Variants in GLYR1 observed in about 807,000 individuals in gnomAD.
GLYR1 encodes the protein glyoxylate reductase 1 homolog, also known as cytokine-like nuclear factor N-PAC.
Under a neutral mutation model 72.7 loss-of-function variants are expected in GLYR1, and 21 were observed. That is an observed-to-expected ratio of 0.29 (90% CI 0.20 to 0.42). The LOEUF (loss-of-function observed/expected upper bound fraction) is 0.42. GLYR1 is among the 10% of genes least tolerant of loss of function. The pLI, the probability that GLYR1 is intolerant of heterozygous loss-of-function variation, is 1.00. For missense variants in GLYR1, 594 were observed against 712.1 expected (o/e 0.83, Z 1.89); for synonymous variants, 392 against 270.2 (o/e 1.45, Z -4.42).
intron 3 of GLYR1, among the ~76,000 whole-genome samples, chr16:4,842,055 C>A (rs1266385941): frequency 6.6e-6 from 1 of 152,062 alleles, no homozygotes; most frequent in Non-Finnish European, 1.5e-5. Flanking sequence ...TCTTGGCTAA[C>A]ATGGTGAAAC....
At chr16:4,823,008 C>A in intron 6 of GLYR1, 77 bp from the exon 7 acceptor site, 1 of 1,163,156 alleles carries the variant, frequency 8.6e-7, no homozygotes, top group Non-Finnish European at 1.3e-6. Context: ...TAACTGGACT[C>A]TCCTCTGGCT....
At chr16:4,811,882 G>C in intron 13 of GLYR1, 80 bp from the exon 14 acceptor site, 1 of 1,501,588 alleles carries the variant, frequency 6.7e-7, no homozygotes, top group Non-Finnish European at 9.0e-7. Context: ...CCTCTGCTCA[G>C]ACCCACCTCT....
chr16:4,831,908 C>G lies in GLYR1; in HGVS notation c.537+71G>C. 1.9e-6 allele frequency: 3 copies of G among 1,542,094 alleles called. No homozygotes were observed. The South Asian group carries it at 3.7e-5, about 19-fold the overall frequency. On this transcript the variant is annotated intron_variant, in intron 5 of 15. Coordinates refer to ENST00000321919, the MANE Select transcript of GLYR1 (RefSeq NM_032569.4). The stretch of plus-strand genomic sequence containing the variant: ...TAGATAAGCATACTACATAAGCATA[C>G]TGTAGAGCTTAACTCTACCTTGTAC...
At chr16:4,814,738 C>T (rs572879308) in intron 10 of GLYR1, 91 bp from the exon 11 acceptor site, 392 of 1,054,772 alleles carry the variant, frequency 3.7e-4, no homozygotes, top group Non-Finnish European at 5.2e-4. Flanking sequence ...GGCCTCCTGG[C>T]GGCCTACCAA....
chr16:4,847,253 T>C lies in GLYR1; in HGVS notation c.13A>G (p.Ser5Gly), dbSNP rs765076638. MAAV[S>G]LRLGDLVWGK... ...CACACCAAGTCGCCGAGCCGCAGAC[T>C]CACAGCCGCCATCTTACCACCCAAC... The change falls in exon 1 of 16, where the codon AGT becomes GGT. Residue 5 changes from serine to glycine, a missense_variant. Physicochemically the swap from Ser to Gly is moderately conservative, Grantham distance 56. Coordinates refer to ENST00000321919, the MANE Select transcript of GLYR1 (RefSeq NM_032569.4). 6.2e-7 allele frequency: 1 copy of C among 1,609,496 alleles called. No homozygotes were observed. The highest frequency in any genetic ancestry group is 8.5e-7 in the Non-Finnish European group (1 of 1,178,870).
At chr16:4,811,410 A>T in intron 14 of GLYR1, 116 bp from the exon 15 acceptor site, 1 of 1,432,116 alleles carries the variant, frequency 7.0e-7, no homozygotes, top group Non-Finnish European at 9.5e-7. Flanking sequence ...CACATAGCCT[A>T]GGCCTCTTGG....
intron 3 of GLYR1, among the ~76,000 whole-genome samples, chr16:4,840,508 C>G (rs1458378285): frequency 1.3e-5 from 2 of 152,088 alleles, no homozygotes; most frequent in Non-Finnish European, 2.9e-5. Flanking sequence ...ACTTCCAACT[C>G]TCATATTCCT....
chr16:4,839,487 C>A (rs1481163702), intron 3 of GLYR1: 1 of 152,186 alleles, frequency 6.6e-6, no homozygotes, highest in Non-Finnish European at 1.5e-5. Flanking sequence ...GTGCACTTGA[C>A]ACATAATCTT....
chr16:4,814,743 T>C, intron 10 of GLYR1, 96 bp from the exon 11 acceptor site: 1 of 1,003,654 alleles, frequency 1.0e-6, no homozygotes, highest in Non-Finnish European at 1.5e-6. Context: ...CCTGGCGGCC[T>C]ACCAAGGCAG....
chr16:4,847,001 G>A (rs1399572375), intron 1 of GLYR1: 6 of 552,216 alleles, frequency 1.1e-5, no homozygotes, highest in South Asian at 1.1e-4. Flanking sequence ...CACCCGGCCG[G>A]CCTCGGGGAT....
intron 5 of GLYR1, among the ~76,000 whole-genome samples, chr16:4,830,748 C>T (rs2084744671): frequency 6.6e-6 from 1 of 152,194 alleles, no homozygotes. Flanking sequence ...GTAAGACCGG[C>T]CCCAAATCTT....
chr16:4,829,844 T>G (rs1035352023), intron 5 of GLYR1, among the ~76,000 whole-genome samples: 4 of 152,150 alleles, frequency 2.6e-5, no homozygotes, highest in African/African-American at 9.7e-5. Flanking sequence ...GGGTAATTTT[T>G]GTATTTTTAG....
chr16:4,835,714 C>A (rs1450507087), intron 3 of GLYR1, among the ~76,000 whole-genome samples: 2 of 152,100 alleles, frequency 1.3e-5, no homozygotes, highest in African/African-American at 4.8e-5. Context: ...AGCTGTAATC[C>A]CAGCTACTCG....
chr16:4,817,661 T>C lies in GLYR1; in HGVS notation c.843A>G (p.Gly281=), dbSNP rs1255495149. The C allele has an allele frequency of 6.2e-7, 1 of 1,613,598 alleles. No homozygotes were observed. The highest frequency in any genetic ancestry group is 1.3e-5 in the African/African-American group (1 of 75,024). ...GFLGLGLMGS[G]IVSNLLKMGH... ...CCATTTTTAGCAAGTTGGAGACGAT[T>C]CCACTTCCCATGAGACCAAGGCCCA... Residue 281 remains glycine (G), a synonymous_variant, in exon 10 of 16, where the codon GGA becomes GGG. Coordinates refer to ENST00000321919, the MANE Select transcript of GLYR1 (RefSeq NM_032569.4).
chr16:4,826,455 G>GA (rs1265347652), intron 5 of GLYR1, among the ~76,000 whole-genome samples: 4 of 152,124 alleles, frequency 2.6e-5, no homozygotes, highest in African/African-American at 9.7e-5. Context: ...GCACATCCTA[G>GA]AAAAGCAAGA....
At position 4,821,401 on chromosome 16, in the gene GLYR1, C is replaced by T; in HGVS notation, c.785G>A (p.Ser262Asn). ...CTACTTTTTGTCTGTGGGTGTGATGCTGCCATTCACGGCTGTGCTGTCAGC... is the reference window on the plus strand; with the variant it reads ...CTACTTTTTGTCTGTGGGTGTGATGTTGCCATTCACGGCTGTGCTGTCAGC... Reference protein sequence around the residue: ...QAADSTAVNGSITPTDKKIGF... With the variant: ...QAADSTAVNGNITPTDKKIGF... Residue 262 changes from serine (S) to asparagine (N), a missense_variant, in exon 9 of 16, where the codon AGC (serine) becomes AAC (asparagine). Transcript: ENST00000321919. 8 of 1,613,334 alleles carry T rather than the reference C, an allele frequency of 5.0e-6. No homozygotes were observed. Among genetic ancestry groups the T allele is most frequent in the Non-Finnish European group, 6.8e-6 (8 of 1,180,032 alleles).
chr16:4,841,467 A>AAG (rs2085546998), intron 3 of GLYR1, among the ~76,000 whole-genome samples: 1 of 145,998 alleles, frequency 6.8e-6, no homozygotes, highest in East Asian at 1.9e-4. Context: ...CAAAAAAAAA[A>AAG]AAAAAAAAAA....
chr16:4,845,241 G>C (rs2085915778), intron 2 of GLYR1, 88 bp from the exon 3 acceptor site: 1 of 837,934 alleles, frequency 1.2e-6, no homozygotes, highest in Admixed American at 2.2e-5. Flanking sequence ...GTTCTACGTT[G>C]CTAAGAAAAA....
chr16:4,840,532 A>AACAC (rs149789441), intron 3 of GLYR1, among the ~76,000 whole-genome samples: 4 of 151,422 alleles, frequency 2.6e-5, no homozygotes, highest in East Asian at 3.9e-4. Flanking sequence ...TTTTCAAACA[A>AACAC]ACACACACAC....
Sources: allele counts gnomAD v4.1 joint callset (sites outside exome capture counted in the v4.1 genomes callset), GRCh38; gene constraint gnomAD v4.1.1; transcripts MANE v1.5; gene names NCBI Gene and HGNC (gene_info 2026-07-23, HGNC 2026-07-21).